TAFA5: variants seen among roughly 807,000 people sequenced by gnomAD.
TAFA5 encodes the protein TAFA chemokine like family member 5.
Under a neutral mutation model 15.3 loss-of-function variants are expected in TAFA5, and 6 were observed. The observed-to-expected ratio is 0.39, with a 90% CI of 0.21 to 0.77. The LOEUF (loss-of-function observed/expected upper bound fraction) is 0.77. Ranked by LOEUF, TAFA5 falls within the 30% of genes least tolerant of loss-of-function variation. The pLI, the probability that TAFA5 is intolerant of heterozygous loss-of-function variation, is 0.41. For missense variants in TAFA5, 161 were observed against 193.1 expected (o/e 0.83, Z 0.98); for synonymous variants, 103 against 80.7 (o/e 1.28, Z -1.48).
intron 1 of TAFA5, among the ~76,000 whole-genome samples, chr22:48,512,371 C>T (rs139229971): frequency 3.3e-5 from 5 of 152,296 alleles, no homozygotes; most frequent in South Asian, 2.1e-4. Flanking sequence ...CTTTGGGAGG[C>T]GACGGTGGGC....
chr22:48,571,271 CTTTTTTTTTT>C (rs869050468), intron 1 of TAFA5, among the ~76,000 whole-genome samples: 58 of 97,668 alleles, frequency 5.9e-4, no homozygotes, highest in Non-Finnish European at 1.0e-3. Flanking sequence ...TTGTTGTTTG[CTTTTTTTTTT>C]TTTTTTTTTT....
At chr22:48,524,062 G>A (rs370286222) in intron 1 of TAFA5, among the ~76,000 whole-genome samples, 3 of 152,344 alleles carry the variant, frequency 2.0e-5, no homozygotes, top group South Asian at 2.1e-4. Context: ...AGCATGATGC[G>A]GTCCCCCATT....
At chr22:48,496,431 A>T (rs1475672076) in intron 1 of TAFA5, among the ~76,000 whole-genome samples, 1 of 152,008 alleles carries the variant, frequency 6.6e-6, no homozygotes, top group Non-Finnish European at 1.5e-5. Flanking sequence ...CTGTACGGTG[A>T]GGCAGCCACA....
chr22:48,556,443 C>T (rs1268557972), intron 1 of TAFA5, among the ~76,000 whole-genome samples: 1 of 152,274 alleles, frequency 6.6e-6, no homozygotes, highest in African/African-American at 2.4e-5. Flanking sequence ...CACACATATG[C>T]ACGCGTGCTA....
At chr22:48,576,429 C>T (rs1263220911) in intron 1 of TAFA5, 18 of 1,325,822 alleles carry the variant, frequency 1.4e-5, no homozygotes, top group East Asian at 3.2e-5. Context: ...GATGCGGCGC[C>T]TGGACCTTCG....
chr22:48,589,739 A>G (rs2147155655), intron 1 of TAFA5, among the ~76,000 whole-genome samples: 1 of 152,240 alleles, frequency 6.6e-6, no homozygotes, highest in Non-Finnish European at 1.5e-5. Flanking sequence ...GTCTGGAGTG[A>G]TGTGGCCACA....
intron 1 of TAFA5, among the ~76,000 whole-genome samples, chr22:48,574,032 G>A (rs1012827841): frequency 1.3e-5 from 2 of 152,214 alleles, no homozygotes; most frequent in Non-Finnish European, 2.9e-5. Context: ...CAGGCTCTGC[G>A]AGCCAGGCAG....
intron 1 of TAFA5, among the ~76,000 whole-genome samples, chr22:48,520,099 G>A (rs1223312989): frequency 2.6e-5 from 4 of 152,196 alleles, no homozygotes; most frequent in South Asian, 2.1e-4. Flanking sequence ...TGGGGGTGAC[G>A]GGCCTGCTAG....
chr22:48,512,913 ACT>A (rs1414456992), intron 1 of TAFA5, among the ~76,000 whole-genome samples: 1 of 122,396 alleles, frequency 8.2e-6, no homozygotes, highest in Non-Finnish European at 1.7e-5. Flanking sequence ...ACAGAGCGAG[ACT>A]CTGTCTCAAA....
intron 1 of TAFA5, among the ~76,000 whole-genome samples, chr22:48,620,629 C>CCCATCCTATCCAACCACCCACCATCCA (rs1925770890): frequency 9.0e-5 from 5 of 55,562 alleles, no homozygotes; most frequent in African/African-American, 4.0e-4. Context: ...CCCACCATCC[C>CCCATCCTATCCAACCACCCACCATCCA]CCATCCTATC....
At chr22:48,528,065 C>A (rs1347330649) in intron 1 of TAFA5, among the ~76,000 whole-genome samples, 1 of 152,246 alleles carries the variant, frequency 6.6e-6, no homozygotes, top group Non-Finnish European at 1.5e-5. Flanking sequence ...GCTTGGCCGC[C>A]TGGGCCCCCC....
chr22:48,577,881 C>T (rs1923876692), intron 1 of TAFA5, among the ~76,000 whole-genome samples: 1 of 152,220 alleles, frequency 6.6e-6, no homozygotes, highest in Admixed American at 6.5e-5. Flanking sequence ...CTTCCTGCTG[C>T]CTTGCTGACC....
At chr22:48,559,590 T>C (rs1179551425) in intron 1 of TAFA5, among the ~76,000 whole-genome samples, 1 of 152,112 alleles carries the variant, frequency 6.6e-6, no homozygotes, top group Non-Finnish European at 1.5e-5. Context: ...TCCCTGTCAC[T>C]GCAGCCGTCA....
At chr22:48,623,219 G>A (rs1405517087) in intron 1 of TAFA5, among the ~76,000 whole-genome samples, 2 of 151,980 alleles carry the variant, frequency 1.3e-5, no homozygotes, top group African/African-American at 4.8e-5. Flanking sequence ...GTGGCCCTGC[G>A]CGGTGACCTG....
At position 48,751,725 on chromosome 22, in the gene TAFA5, C is replaced by G. The variant is rs766138888; in HGVS notation, c.*1878C>G. 1 of 152,320 alleles carries G rather than the reference C, an allele frequency of 6.6e-6. No individual in the cohort carries two copies. Among genetic ancestry groups the G allele is most frequent in the African/African-American group, 2.4e-5 (1 of 41,438 alleles). 9.4% of individuals were successfully genotyped at this position (152,320 alleles called of 1,614,324 possible). ...GGTCCTTCCCAAGCTGCCCCGGCTC[C>G]GGCGGCCCGGGCCGGCAGCCTCTGC... On this transcript the variant is annotated 3_prime_UTR_variant, in exon 4 of 4. Transcript: ENST00000402357.
intron 1 of TAFA5, among the ~76,000 whole-genome samples, chr22:48,571,038 C>T (rs932916173): frequency 2.0e-5 from 3 of 152,106 alleles, no homozygotes; most frequent in Admixed American, 1.3e-4. Flanking sequence ...TGGAGTGTAA[C>T]CTAGATCAGC....
intron 2 of TAFA5, among the ~76,000 whole-genome samples, chr22:48,650,152 A>G (rs1601643213): frequency 6.6e-6 from 1 of 152,310 alleles, no homozygotes; most frequent in South Asian, 2.1e-4. Context: ...GCTGAAGAGA[A>G]AACTTGTGCT....
At chr22:48,551,853 C>T (rs572458263) in intron 1 of TAFA5, among the ~76,000 whole-genome samples, 53 of 152,336 alleles carry the variant, frequency 3.5e-4, no homozygotes, top group African/African-American at 1.2e-3. Flanking sequence ...CCTGCTGCCC[C>T]GCGCTTTCCC....
intron 1 of TAFA5, among the ~76,000 whole-genome samples, chr22:48,568,211 G>T (rs1428546081): frequency 6.6e-6 from 1 of 152,252 alleles, no homozygotes; most frequent in Non-Finnish European, 1.5e-5. Context: ...AGAGAAAGCA[G>T]CACCTTCCCC....
Sources: gnomAD v4.1 joint callset for allele counts (sites outside exome capture counted in the v4.1 genomes callset) on GRCh38, gnomAD v4.1.1 for gene constraint, MANE v1.5 for transcripts, NCBI Gene and HGNC (gene_info 2026-07-23, HGNC 2026-07-21) for gene names.